MCUB: variants seen among roughly 807,000 people sequenced by gnomAD.
The protein encoded by MCUB is mitochondrial calcium uniporter dominant negative subunit beta, also known as calcium uniporter regulatory subunit MCUb, mitochondrial.
Under a neutral mutation model 41.4 loss-of-function variants are expected in MCUB, and 46 were observed. The ratio of observed to expected loss-of-function variants is 1.11; its 90% CI spans 0.88 to 1.42. The LOEUF is 1.42. MCUB is among the 40% of genes most tolerant of loss of function. The probability of loss-of-function intolerance (pLI) is 0.00; values close to 1 mark genes in which losing one functional copy is unlikely to be tolerated. For missense variants in MCUB, 403 were observed against 404.9 expected, an observed-to-expected ratio of 1.00 and a Z score of 0.04; for synonymous variants, 148 against 148.2, an observed-to-expected ratio of 1.00 and a Z score of 0.01.
intron 3 of MCUB, among the ~76,000 whole-genome samples, chr4:109,662,317 G>A (rs1729247720): frequency 6.6e-6 from 1 of 152,180 alleles, no homozygotes; most frequent in South Asian, 2.1e-4. Flanking sequence ...CAGGGGCAGG[G>A]CCCTCTTTCT....
intron 1 of MCUB, among the ~76,000 whole-genome samples, chr4:109,574,823 C>A (rs1726992192): frequency 6.6e-6 from 1 of 152,132 alleles, no homozygotes; most frequent in African/African-American, 2.4e-5. Context: ...ACGAAGTGCT[C>A]ATTTTAAATA....
intron 1 of MCUB, among the ~76,000 whole-genome samples, chr4:109,596,611 A>G (rs940315450): frequency 2.0e-5 from 3 of 152,076 alleles, no homozygotes; most frequent in African/African-American, 4.8e-5. Context: ...GTGCATCCCC[A>G]TATCACTCTC....
Position 109,677,802 on chromosome 4 carries a change from ATTTTTTTT to A in MCUB, c.452-4760_452-4753del, listed in dbSNP as rs71595506. Among the ~76,000 whole-genome samples the A allele has an allele frequency of 6.9e-5, 6 of 86,588 alleles. No homozygotes were observed. The South Asian group carries it at 2.2e-3, about 31-fold the overall frequency. The allele number at this position is 86,588 out of a possible 152,430, so 56.8% of individuals were successfully genotyped here. A position where few individuals can be genotyped will look rare whatever the true frequency, so the allele number is the denominator to read the frequency against. ...ATTTCTGTTCCTTATAAGGAAACAA[ATTTTTTTT>A]TTTTTTTTTTTTTTTTTTTAGTTTT... On this transcript the variant is annotated intron_variant, in intron 4 of 7. Transcript: ENST00000394650.
intron 3 of MCUB, among the ~76,000 whole-genome samples, chr4:109,661,964 C>T (rs1056317625): frequency 1.1e-4 from 16 of 152,030 alleles, no homozygotes; most frequent in African/African-American, 2.4e-4. Flanking sequence ...ACATGGGAGG[C>T]GGAGGTTGCT....
intron 1 of MCUB, among the ~76,000 whole-genome samples, chr4:109,578,727 G>A (rs745326536): frequency 1.3e-5 from 2 of 151,926 alleles, no homozygotes; most frequent in Non-Finnish European, 2.9e-5. Flanking sequence ...CGCTGGTCTC[G>A]AACTCCTGGC....
intron 1 of MCUB, among the ~76,000 whole-genome samples, chr4:109,628,837 G>T (rs1334124851): frequency 6.6e-6 from 1 of 152,216 alleles, no homozygotes; most frequent in African/African-American, 2.4e-5. Flanking sequence ...ATAGAGCCAG[G>T]ACGTCGATAC....
At chr4:109,674,652 T>G (rs1729533674) in intron 4 of MCUB, among the ~76,000 whole-genome samples, 1 of 152,214 alleles carries the variant, frequency 6.6e-6, no homozygotes, top group Admixed American at 6.5e-5. Context: ...CCAGAAAGCT[T>G]AAACAATAGA....
At chr4:109,645,765 G>C (rs150570808) in intron 1 of MCUB, among the ~76,000 whole-genome samples, 2 of 152,240 alleles carry the variant, frequency 1.3e-5, no homozygotes, top group African/African-American at 2.4e-5. Flanking sequence ...AAAATCTGTA[G>C]ACTCAATCTC....
chr4:109,585,741 C>A (rs1006378253), intron 1 of MCUB, among the ~76,000 whole-genome samples: 1 of 152,122 alleles, frequency 6.6e-6, no homozygotes, highest in Non-Finnish European at 1.5e-5. Flanking sequence ...ATTCTGGGTT[C>A]AAAATTCTTT....
At chr4:109,583,282 C>T (rs546168695) in intron 1 of MCUB, among the ~76,000 whole-genome samples, 78 of 152,144 alleles carry the variant, frequency 5.1e-4, no homozygotes, top group African/African-American at 1.8e-3. Flanking sequence ...CCTTCACATC[C>T]CATGTAAGTT....
intron 1 of MCUB, among the ~76,000 whole-genome samples, chr4:109,589,802 G>C (rs948262516): frequency 6.6e-6 from 1 of 152,198 alleles, no homozygotes; most frequent in Non-Finnish European, 1.5e-5. Context: ...GGCACAGAGT[G>C]GGTGCTCCGT....
chr4:109,682,123 C>T (rs138608262), intron 4 of MCUB, among the ~76,000 whole-genome samples: 1,667 of 152,264 alleles, frequency 0.011, 37 homozygotes, highest in African/African-American at 0.038. Flanking sequence ...AAGGTGGATG[C>T]GGTCACCTTC....
intron 4 of MCUB, chr4:109,673,818 TAGGGA>T: frequency 1.4e-6 from 1 of 714,570 alleles, no homozygotes; most frequent in Non-Finnish European, 2.6e-6. Flanking sequence ...TTTTTCGCTC[TAGGGA>T]GATTCTTCAA....
intron 1 of MCUB, among the ~76,000 whole-genome samples, chr4:109,570,305 A>G (rs1726884725): frequency 6.6e-6 from 1 of 152,102 alleles, no homozygotes; most frequent in South Asian, 2.1e-4. Flanking sequence ...TATCTTTTAT[A>G]TCTTTGGGAA....
At position 109,660,284 on chromosome 4, in the gene MCUB, A is replaced by G. The variant is rs2126144638; in HGVS notation, c.265A>G (p.Met89Val). 6.2e-7 allele frequency: 1 copy of G among 1,605,456 alleles called. No homozygotes were observed. Among genetic ancestry groups the G allele is most frequent in the Non-Finnish European group, 8.5e-7 (1 of 1,172,300 alleles). The change falls in exon 3 of 8, where the codon ATG becomes GTG. Residue 89 changes from methionine (M) to valine (V), a missense_variant. Transcript: ENST00000394650. ...KERCQFVVKP[M>V]LSTVGSFLQD... The stretch of plus-strand genomic sequence containing the variant: ...ACGTTGTCAATTCGTAGTCAAACCA[A>G]TGTTGTCAACAGTTGGTTCATTCCT...
At chr4:109,628,047 G>A (rs905153353) in intron 1 of MCUB, among the ~76,000 whole-genome samples, 1 of 152,306 alleles carries the variant, frequency 6.6e-6, no homozygotes. Flanking sequence ...TGTTAGAACA[G>A]GAGGGGTATA....
At chr4:109,668,879 CATT>C (rs1420846413) in intron 4 of MCUB, among the ~76,000 whole-genome samples, 2 of 152,012 alleles carry the variant, frequency 1.3e-5, no homozygotes, top group Non-Finnish European at 2.9e-5. Context: ...TTTCAAATAA[CATT>C]ATATTGCTTC....
At position 109,674,084 on chromosome 4, in the gene MCUB, A is replaced by C. The variant is rs1400615426; in HGVS notation, c.452-8498A>C. ...GGAGCAATGACTGTTGGTATGGGCT[A>C]TTCCATGTATCGGGAATTCTGGGCA... On this transcript the variant is annotated intron_variant, in intron 4 of 7. Coordinates refer to ENST00000394650, the MANE Select transcript of MCUB (RefSeq NM_017918.5). 26 of 1,454,560 alleles carry C rather than the reference A, an allele frequency of 1.8e-5. No individual in the cohort carries two copies. In the Admixed American group the frequency reaches 4.4e-4, roughly 24 times the overall value. The allele number at this position is 1,454,560 out of a possible 1,614,324, so 90.1% of individuals were successfully genotyped here.
intron 1 of MCUB, among the ~76,000 whole-genome samples, chr4:109,616,165 C>T (rs1579067286): frequency 2.6e-5 from 4 of 152,326 alleles, no homozygotes; most frequent in Admixed American, 2.6e-4. Context: ...GAATATTTTG[C>T]TACTTGTTTT....
Sources: allele counts gnomAD v4.1 joint callset (sites outside exome capture counted in the v4.1 genomes callset), GRCh38; gene constraint gnomAD v4.1.1; transcripts MANE v1.5; gene names NCBI Gene and HGNC (gene_info 2026-07-23, HGNC 2026-07-21).